Variants in COQ8A observed in about 807,000 individuals in gnomAD.
COQ8A encodes coenzyme Q8A.
COQ8A carries 51 observed loss-of-function variants against 65.0 expected under a neutral mutation model. The ratio of observed to expected loss-of-function variants is 0.78; its 90% CI spans 0.63 to 0.99. The LOEUF (loss-of-function observed/expected upper bound fraction) is 0.99. Among genes scored for constraint, COQ8A ranks in the 50% least tolerant of loss-of-function variants. COQ8A has a pLI of 0.00. For missense variants in COQ8A, 940 were observed against 875.0 expected, an observed-to-expected ratio of 1.07 and a Z score of -0.94; for synonymous variants, 371 against 353.2, an observed-to-expected ratio of 1.05 and a Z score of -0.57.
chr1:226,981,779 CGTTT>C (rs1659707627), intron 5 of COQ8A, among the ~76,000 whole-genome samples: 1 of 152,134 alleles, frequency 6.6e-6, no homozygotes, highest in African/African-American at 2.4e-5. Flanking sequence ...TGTGTGTGTG[CGTTT>C]GTGTGTGCAC....
intron 1 of COQ8A, among the ~76,000 whole-genome samples, chr1:226,947,084 C>T (rs951563319): frequency 3.3e-5 from 5 of 152,030 alleles, no homozygotes; most frequent in Non-Finnish European, 5.9e-5. Flanking sequence ...CCCAGCTGGC[C>T]CCAGAATTTT....
At chr1:226,945,791 G>A (rs577778121) in intron 1 of COQ8A, among the ~76,000 whole-genome samples, 1 of 152,208 alleles carries the variant, frequency 6.6e-6, no homozygotes, top group African/African-American at 2.4e-5. Flanking sequence ...AGACAGGGAC[G>A]GGGGTGACGC....
Position 226,949,410 on chromosome 1 carries a change from G to A in COQ8A, c.-10+9011G>A, listed in dbSNP as rs1021704860. 3.9e-5 allele frequency among the ~76,000 whole-genome samples: 6 copies of A among 152,052 alleles called. No individual in the cohort carries two copies. The highest frequency in any genetic ancestry group is 7.4e-5 in the Non-Finnish European group (5 of 68,004). On this transcript the variant is annotated intron_variant, in intron 1 of 14. Transcript: ENST00000366777. This position sits in a 1 kb window ranked among gnomAD's most constrained non-coding sequence, Gnocchi z 4.0. Reference sequence around the variant, plus strand: ...AGCTGGGGAGCTTGTGGGAGTTAGAGGGGTTTTCTTCCCAACTGCCTCTCC... The same window carrying A: ...AGCTGGGGAGCTTGTGGGAGTTAGAAGGGTTTTCTTCCCAACTGCCTCTCC...
chr1:226,940,854 G>A (rs1656646604), intron 1 of COQ8A, among the ~76,000 whole-genome samples: 1 of 152,266 alleles, frequency 6.6e-6, no homozygotes, highest in African/African-American at 2.4e-5. Context: ...CTGGCTGCAG[G>A]TTTGGGTGAG....
At chr1:226,985,379 C>T (rs555767006) in intron 14 of COQ8A, 39 bp downstream of exon 14, 5 of 1,603,436 alleles carry the variant, frequency 3.1e-6, no homozygotes, top group Non-Finnish European at 4.3e-6. Flanking sequence ...GCCTGCTGAC[C>T]CAGGGCCCGG....
chr1:226,965,667 C>A lies in COQ8A; in HGVS notation c.589-4C>A. The A allele has an allele frequency of 6.2e-7, 1 of 1,614,040 alleles. No homozygotes were observed. The highest frequency in any genetic ancestry group is 1.1e-5 in the South Asian group (1 of 91,080). ...CCACAGGTCTCTTTCTCGTCTCCCTCCAGCTCAGCGAGCATGCCCGGGAGC... is the reference window on the plus strand; with the variant it reads ...CCACAGGTCTCTTTCTCGTCTCCCTACAGCTCAGCGAGCATGCCCGGGAGC... On this transcript the variant is annotated splice_region_variant and splice_polypyrimidine_tract_variant and intron_variant, in intron 3 of 14. Transcript: ENST00000366777.
At chr1:226,951,767 G>A (rs1211267396) in intron 1 of COQ8A, among the ~76,000 whole-genome samples, 1 of 150,494 alleles carries the variant, frequency 6.6e-6, no homozygotes, top group African/African-American at 2.5e-5. Flanking sequence ...CTTTGCTGTT[G>A]TAGCCAAAAA....
chr1:226,974,754 C>T (rs1464992770), intron 4 of COQ8A: 1 of 152,806 alleles, frequency 6.5e-6, no homozygotes, highest in Non-Finnish European at 1.5e-5. Flanking sequence ...GCGCCTTGGC[C>T]TGGCACTGGG....
At chr1:226,981,129 C>T (rs914063267) in intron 5 of COQ8A, among the ~76,000 whole-genome samples, 6 of 152,204 alleles carry the variant, frequency 3.9e-5, no homozygotes, top group Admixed American at 6.5e-5. Context: ...GGAGGCCCGG[C>T]GACAAGGGGT....
At chr1:226,955,941 C>A (rs1657708316) in intron 1 of COQ8A, among the ~76,000 whole-genome samples, 1 of 142,904 alleles carries the variant, frequency 7.0e-6, no homozygotes, top group Non-Finnish European at 1.5e-5. Flanking sequence ...GGTTCCCATT[C>A]TCCCTGGTTC....
chr1:226,951,061 G>A (rs1269585052), intron 1 of COQ8A, among the ~76,000 whole-genome samples: 2 of 152,190 alleles, frequency 1.3e-5, no homozygotes, highest in East Asian at 3.9e-4. Flanking sequence ...AGCGTATGTG[G>A]CTCACCAGGA....
Position 226,965,038 on chromosome 1 carries a change from C to T in COQ8A, c.216C>T (p.Phe72=), listed in dbSNP as rs372825175. Reference sequence around the variant, plus strand: ...ATGAAGAATATTTTGCTGAGAACTTCGGCGGCCCAGAAGGGGAGTTCCACT... The same window carrying T: ...ATGAAGAATATTTTGCTGAGAACTTTGGCGGCCCAGAAGGGGAGTTCCACT... ...DKHEEYFAEN[F]GGPEGEFHFS... is the part of the protein sequence containing the mutation. The change falls in exon 3 of 15, where the codon TTC becomes TTT. Residue 72 remains phenylalanine (F), a synonymous_variant. Transcript: ENST00000366777. The T allele has an allele frequency of 2.7e-5, 43 of 1,613,928 alleles. No homozygotes were observed. Among genetic ancestry groups the T allele is most frequent in the Admixed American group, 6.7e-5 (4 of 60,014 alleles).
chr1:226,955,673 C>T (rs1251692143), intron 1 of COQ8A, among the ~76,000 whole-genome samples: 3 of 130,478 alleles, frequency 2.3e-5, no homozygotes, highest in South Asian at 2.6e-4. Flanking sequence ...CCCTGGTTCC[C>T]GCTCTCCCTG....
intron 1 of COQ8A, among the ~76,000 whole-genome samples, chr1:226,945,842 C>G (rs1657007623): frequency 6.6e-6 from 1 of 152,254 alleles, no homozygotes. Flanking sequence ...TGCTCCCTCC[C>G]TGGGTCTGTG....
chr1:226,940,619 C>T (rs1656631771), intron 1 of COQ8A: 1 of 152,384 alleles, frequency 6.6e-6, no homozygotes, highest in Admixed American at 6.5e-5. Context: ...CTGGGTCCAC[C>T]TCAGCCCCTC....
chr1:226,985,147 G>A, intron 13 of COQ8A, 107 bp from the exon 14 acceptor site: 1 of 1,347,628 alleles, frequency 7.4e-7, no homozygotes, highest in Non-Finnish European at 1.1e-6. Context: ...CCCTGTGCAG[G>A]GAGAGGATGA....
intron 8 of COQ8A, 34 bp from the exon 9 acceptor site, chr1:226,983,518 G>A: frequency 6.2e-7 from 1 of 1,602,536 alleles, no homozygotes. Flanking sequence ...CGTCTCCCTG[G>A]GCTAACTCCC....
At chr1:226,942,117 C>T (rs1269157021) in intron 1 of COQ8A, among the ~76,000 whole-genome samples, 2 of 152,066 alleles carry the variant, frequency 1.3e-5, no homozygotes, top group East Asian at 3.9e-4. Flanking sequence ...TGTTTCCAGA[C>T]ATTGCCACGT....
intron 1 of COQ8A, among the ~76,000 whole-genome samples, chr1:226,951,668 T>C (rs575948586): frequency 6.6e-5 from 10 of 152,228 alleles, no homozygotes; most frequent in Non-Finnish European, 1.2e-4. Context: ...GGGACAGCTG[T>C]GGTTTTTACT....
Sources: gnomAD v4.1 joint callset for allele counts (sites outside exome capture counted in the v4.1 genomes callset) on GRCh38, gnomAD v4.1.1 for gene constraint, Gnocchi (gnomAD v3.1) non-coding constraint, MANE v1.5 for transcripts, NCBI Gene and HGNC (gene_info 2026-07-23, HGNC 2026-07-21) for gene names.